The following ZNF683 variants were observed in gnomAD, a reference collection of about 807,000 sequenced individuals.
ZNF683 encodes zinc finger protein 683.
Under a neutral mutation model 31.4 loss-of-function variants are expected in ZNF683, and 20 were observed. The observed-to-expected ratio is 0.64, with a 90% CI of 0.45 to 0.93. The LOEUF is 0.93. ZNF683 is among the 40% of genes least tolerant of loss of function. The pLI is 0.00. For missense variants in ZNF683, 621 were observed against 637.2 expected, an observed-to-expected ratio of 0.97 and a Z score of 0.27; for synonymous variants, 264 against 267.6, an observed-to-expected ratio of 0.99 and a Z score of 0.13.
rs1255931759 is a variant in ZNF683, at chr1:26,367,578, G to A, written c.319+15C>T. The A allele has an allele frequency of 1.3e-6, 2 of 1,566,958 alleles. No individual in the cohort carries two copies. Among genetic ancestry groups the A allele is most frequent in the South Asian group, 1.2e-5 (1 of 83,622 alleles). On this transcript the variant is annotated intron_variant, in intron 3 of 5. Transcript: ENST00000349618. ...CTCTGCCAGGCGCAGGTGCAGCCCG[G>A]TGCCCTGGGCTTACTCATGCTCAAG...
At chr1:26,374,512 C>T (rs1360795010), upstream of ZNF683, 1 of 1,169,364 alleles carries the variant, frequency 8.6e-7, no homozygotes, top group Non-Finnish European at 1.1e-6. Context: ...CTGCCAAGCC[C>T]TTCCTTGCTG....
intron 1 of ZNF683, among the ~76,000 whole-genome samples, chr1:26,369,108 G>A (rs956479587): frequency 2.6e-5 from 4 of 151,984 alleles, no homozygotes; most frequent in South Asian, 2.1e-4. Flanking sequence ...AGCCAGTCAC[G>A]GTGGTGCATG....
intron 1 of ZNF683, among the ~76,000 whole-genome samples, chr1:26,369,680 A>AAGAAAGAAAGAAAAAAAAAT (rs76939543): frequency 6.6e-6 from 1 of 151,456 alleles, no homozygotes; most frequent in African/African-American, 2.4e-5. Context: ...AAAAAAAAAA[A>AAGAAAGAAAGAAAAAAAAAT]TTAGCTGAGT....
At position 26,363,118 on chromosome 1, in the gene ZNF683, GGAA is replaced by G; in HGVS notation, c.1048_1050del (p.Phe350del). 1 of 1,612,650 alleles carries G rather than the reference GGAA, an allele frequency of 6.2e-7. No homozygotes were observed. The highest frequency in any genetic ancestry group is 8.5e-7 in the Non-Finnish European group (1 of 1,179,348). Reference sequence around the variant, plus strand: ...AAGCTCTTCTGGCACAAGGCACACTGGAATGGACGCTCTCCACTGTGCACACGC... The same window carrying G: ...AAGCTCTTCTGGCACAAGGCACACTGTGGACGCTCTCCACTGTGCACACGC... On this transcript the variant is annotated inframe_deletion, in exon 5 of 6. Coordinates refer to ENST00000349618, the MANE Select transcript of ZNF683 (RefSeq NM_001114759.3).
chr1:26,369,854 T>G (rs573467892), intron 1 of ZNF683, among the ~76,000 whole-genome samples: 3 of 152,026 alleles, frequency 2.0e-5, no homozygotes, highest in Non-Finnish European at 4.4e-5. Context: ...ATTAGCTGGG[T>G]GTAGTAGCCT....
intron 5 of ZNF683, chr1:26,362,246 TCTC>T (rs2074405595): frequency 1.8e-5 from 27 of 1,475,848 alleles, no homozygotes; most frequent in East Asian, 1.2e-4. Context: ...AAAAGTAACT[TCTC>T]CTCTCTGAGC....
At chr1:26,374,507 A>C, upstream of ZNF683, 2 of 1,164,592 alleles carry the variant, frequency 1.7e-6, no homozygotes, top group Non-Finnish European at 2.2e-6. Flanking sequence ...TCTGCCTGCC[A>C]AGCCCTTCCT....
intron 3 of ZNF683, among the ~76,000 whole-genome samples, chr1:26,365,554 G>A (rs1183961210): frequency 2.0e-5 from 3 of 152,202 alleles, no homozygotes; most frequent in Admixed American, 6.5e-5. Flanking sequence ...GCAGCCACTG[G>A]ATGCATGACT....
chr1:26,362,893 A>G lies in ZNF683; in HGVS notation c.1143+133T>C, dbSNP rs535073529. 215 of 1,268,432 alleles carry G rather than the reference A, an allele frequency of 1.7e-4. No individual in the cohort carries two copies. The African/African-American group carries it at 3.0e-3, about 18-fold the overall frequency. 78.6% of individuals were successfully genotyped at this position (1,268,432 alleles called of 1,614,324 possible). A position where few individuals can be genotyped will look rare whatever the true frequency, so the allele number is the denominator to read the frequency against. On this transcript the variant is annotated intron_variant, in intron 5 of 5. Transcript: ENST00000349618. ...TCCAGGCTGAGAGGAGTCATTTTCA[A>G]TTTTCACTCCCCCTTCCCATCTCCA...
rs773707139 is a variant in ZNF683, at chr1:26,368,574, C to A, written c.-3G>T. 14 of 1,597,968 alleles carry A rather than the reference C, an allele frequency of 8.8e-6. No individual in the cohort carries two copies. Among genetic ancestry groups the A allele is most frequent in the Middle Eastern group, 1.7e-4 (1 of 6,034 alleles). On this transcript the variant is annotated 5_prime_UTR_variant, in exon 2 of 6. Transcript: ENST00000349618. ...TGTGCAGCTGATTCTTCCTTCATAT[C>A]CCCATTACCTGCTGGGAAACAGGTG... is the stretch of plus-strand genomic sequence containing the variant.
upstream of ZNF683, chr1:26,374,478 G>A: frequency 1.8e-6 from 2 of 1,133,612 alleles, no homozygotes; most frequent in African/African-American, 1.6e-5. Context: ...ACTCCCTCAG[G>A]TTCCCACGTG....
chr1:26,361,894 G>A lies in ZNF683; in HGVS notation c.1272C>T (p.His424=). The change falls in exon 6 of 6, where the codon CAC becomes CAT. Residue 424 remains histidine, a synonymous_variant. Transcript: ENST00000349618. ...AGGGCTGTGGGGCATGCAGCCGATG[G>A]TGCAGCTTCAGGTGGATGTGCTGGG... ...RFTQHIHLKL[H]HRLHAPQPCG... 1 of 1,614,010 alleles carries A rather than the reference G, an allele frequency of 6.2e-7. No individual in the cohort carries two copies. The highest frequency in any genetic ancestry group is 8.5e-7 in the Non-Finnish European group (1 of 1,179,904).
intron 1 of ZNF683, among the ~76,000 whole-genome samples, chr1:26,369,275 A>T (rs1008189807): frequency 1.3e-5 from 2 of 151,944 alleles, no homozygotes; most frequent in African/African-American, 2.4e-5. Context: ...AAAAAATAAA[A>T]AATAAAAGGG....
chr1:26,365,649 T>C (rs932582110), intron 3 of ZNF683, among the ~76,000 whole-genome samples: 6 of 152,232 alleles, frequency 3.9e-5, no homozygotes, highest in Admixed American at 1.3e-4. Flanking sequence ...GCAGGTATAG[T>C]ATTGGACAGC....
In ZNF683 at chr1:26,364,649, T is replaced by C. The variant is rs150913056; in HGVS notation, c.897A>G (p.Pro299=). 8.2e-5 allele frequency: 133 copies of C among 1,613,964 alleles called. No homozygotes were observed. In the African/African-American group the frequency reaches 1.5e-3, roughly 18 times the overall value. ...CTGCGGTGCCTGTCTGGGAACTCAA[T>C]GGGACCCGCTTTGCTGGAGATGCCA... The part of the protein sequence containing the change: ...GGMASPAKRV[P]LSSQTGTAAL... Residue 299 remains proline (P), a synonymous_variant, in exon 4 of 6, where the codon CCA becomes CCG. Transcript: ENST00000349618.
At position 26,363,740 on chromosome 1, in the gene ZNF683, A is replaced by G. The variant is rs1268051124; in HGVS notation, c.1015-586T>C. Among the ~76,000 whole-genome samples, 391 of 46,062 alleles carry G rather than the reference A, an allele frequency of 8.5e-3. 2 individuals carry two copies. The highest frequency in any genetic ancestry group is 0.024 in the East Asian group (60 of 2,514). The allele number at this position is 46,062 out of a possible 152,430, so 30.2% of individuals were successfully genotyped here. A position where few individuals can be genotyped will look rare whatever the true frequency, so the allele number is the denominator to read the frequency against. On this transcript the variant is annotated intron_variant, in intron 4 of 5. Coordinates refer to ENST00000349618, the MANE Select transcript of ZNF683 (RefSeq NM_001114759.3). ...CGACAGAATGAGACTCCATATGGAA[A>G]AAAAAAAAAAAAAAAAAGATAACTC...
upstream of ZNF683, among the ~76,000 whole-genome samples, chr1:26,373,028 C>T (rs1429934511): frequency 6.6e-6 from 1 of 152,190 alleles, no homozygotes; most frequent in African/African-American, 2.4e-5. Flanking sequence ...GTGAGTCTGG[C>T]CCAGGGTACA....
chr1:26,372,920 G>A (rs1570279665), upstream of ZNF683: 2 of 917,770 alleles, frequency 2.2e-6, no homozygotes, highest in Admixed American at 8.4e-5. Context: ...GAGGGAGTCT[G>A]TCTTAGCCCA....
intron 3 of ZNF683, 142 bp from the exon 4 acceptor site, chr1:26,365,368 G>A: frequency 1.1e-6 from 1 of 911,366 alleles, no homozygotes; most frequent in South Asian, 1.8e-5. Context: ...ACAATTTCAG[G>A]GGGAGAAAGC....
Sources: gnomAD v4.1 joint callset for allele counts (sites outside exome capture counted in the v4.1 genomes callset) on GRCh38, gnomAD v4.1.1 for gene constraint, MANE v1.5 for transcripts, NCBI Gene and HGNC (gene_info 2026-07-23, HGNC 2026-07-21) for gene names.